RARG: variants seen among roughly 807,000 people sequenced by gnomAD.
The protein encoded by RARG is retinoic acid receptor gamma.
A neutral mutation model predicts 43.7 loss-of-function variants in RARG; 17 were observed. The observed-to-expected ratio is 0.39, with a 90% CI of 0.27 to 0.58. The LOEUF is 0.58. RARG is among the 20% of genes least tolerant of loss of function. The pLI is 0.57. For synonymous variants in RARG, 238 were observed against 236.4 expected (o/e 1.01, Z -0.06); for missense variants, 346 against 598.7 (o/e 0.58, Z 4.40).
intron 3 of RARG, among the ~76,000 whole-genome samples, chr12:53,225,264 C>T (rs1306615215): frequency 6.6e-6 from 1 of 152,200 alleles, no homozygotes; most frequent in Non-Finnish European, 1.5e-5. Context: ...GGACTACAGA[C>T]ATGCCACCAG....
At position 53,213,775 on chromosome 12, in the gene RARG, G is replaced by A; in HGVS notation, c.814-75C>T. ...AAAAGAGGGAATGAGTGGAAAGTGA[G>A]GAGGTTAGGTCCCCAGTGAGTGCAA... On this transcript the variant is annotated intron_variant, in intron 7 of 9. Transcript: ENST00000425354. The surrounding 1 kb of genome is among the most constrained non-coding windows in gnomAD (Gnocchi z 4.7). 6.9e-7 allele frequency: 1 copy of A among 1,444,542 alleles called. No homozygotes were observed. Among genetic ancestry groups the A allele is most frequent in the South Asian group, 1.2e-5 (1 of 80,306 alleles). 89.5% of individuals were successfully genotyped at this position (1,444,542 alleles called of 1,614,324 possible).
chr12:53,210,813 G>T lies in RARG; in HGVS notation c.*863C>A, dbSNP rs1457905128. 6.6e-6 allele frequency: 1 copy of T among 152,622 alleles called. No homozygotes were observed. The highest frequency in any genetic ancestry group is 1.5e-5 in the Non-Finnish European group (1 of 68,064). The allele number at this position is 152,622 out of a possible 1,614,324, so 9.5% of individuals were successfully genotyped here. A position where few individuals can be genotyped will look rare whatever the true frequency, so the allele number is the denominator to read the frequency against. On this transcript the variant is annotated 3_prime_UTR_variant, in exon 10 of 10. Transcript: ENST00000425354. ...CCTGGAGGAAGGGGTCAATTCCACG[G>T]TGTAAACAAAAGCTAATAAATAAAT...
chr12:53,221,727 TC>T (rs954311497), intron 3 of RARG, among the ~76,000 whole-genome samples: 6 of 148,772 alleles, frequency 4.0e-5, no homozygotes, highest in South Asian at 2.1e-4. Flanking sequence ...CTCCCGGAAA[TC>T]CCCCCCTCCC....
intron 7 of RARG, 56 bp downstream of exon 7, chr12:53,214,003 G>T: frequency 1.3e-6 from 2 of 1,543,380 alleles, no homozygotes; most frequent in Non-Finnish European, 1.8e-6. Flanking sequence ...TCAAGGAATT[G>T]TTGAGGGTCC....
chr12:53,226,530 G>A (rs1943110430), intron 3 of RARG, among the ~76,000 whole-genome samples: 1 of 152,032 alleles, frequency 6.6e-6, no homozygotes, highest in Non-Finnish European at 1.5e-5. Flanking sequence ...TCACTATGTT[G>A]GTCAGGCTGG....
At position 53,213,009 on chromosome 12, in the gene RARG, C is replaced by G; in HGVS notation, c.1177+76G>C. On this transcript the variant is annotated intron_variant, in intron 9 of 9. Coordinates refer to ENST00000425354, the MANE Select transcript of RARG (RefSeq NM_000966.6). This position sits in a 1 kb window ranked among gnomAD's most constrained non-coding sequence, Gnocchi z 4.7. ...GTTCTCAACTACTCTGTTCTTGTCT[C>G]TGTGTGTCCTCCTGTCCGACCTGGG... 6.8e-7 allele frequency: 1 copy of G among 1,474,374 alleles called. No individual in the cohort carries two copies. The highest frequency in any genetic ancestry group is 9.2e-7 in the Non-Finnish European group (1 of 1,084,322). The allele number at this position is 1,474,374 out of a possible 1,614,324, so 91.3% of individuals were successfully genotyped here.
intron 3 of RARG, among the ~76,000 whole-genome samples, chr12:53,219,034 C>G (rs965450371): frequency 3.0e-4 from 46 of 151,732 alleles, no homozygotes; most frequent in African/African-American, 1.1e-3. Flanking sequence ...CTTTTTATTA[C>G]TGCTCTGGAA....
chr12:53,211,928 C>A lies in RARG; in HGVS notation c.1178-65G>T. 2.4e-6 allele frequency: 3 copies of A among 1,259,686 alleles called. No individual in the cohort carries two copies. The highest frequency in any genetic ancestry group is 2.1e-5 in the South Asian group (1 of 47,780). The allele number at this position is 1,259,686 out of a possible 1,614,324, so 78.0% of individuals were successfully genotyped here. ...AGGCACATGGCCCTTAAGGCCATCT[C>A]CCTAACCTTTCTCAACTGCCCCTGA... On this transcript the variant is annotated intron_variant, in intron 9 of 9. Transcript: ENST00000425354. This position sits in a 1 kb window ranked among gnomAD's most constrained non-coding sequence, Gnocchi z 4.6.
Position 53,213,849 on chromosome 12 carries a change from A to G in RARG, c.814-149T>C. The G allele has an allele frequency of 2.7e-6, 3 of 1,109,600 alleles. No individual in the cohort carries two copies. Among genetic ancestry groups the G allele is most frequent in the Non-Finnish European group, 3.9e-6 (3 of 766,612 alleles). The allele number at this position is 1,109,600 out of a possible 1,614,324, so 68.7% of individuals were successfully genotyped here. A position where few individuals can be genotyped will look rare whatever the true frequency, so the allele number is the denominator to read the frequency against. Reference sequence around the variant, plus strand: ...AGAGGTGGAGGATCTGAGGCTTGGCAGGGGTAGTCCCGGGAAGTCAGGAGG... The same window carrying G: ...AGAGGTGGAGGATCTGAGGCTTGGCGGGGGTAGTCCCGGGAAGTCAGGAGG... On this transcript the variant is annotated intron_variant, in intron 7 of 9. Coordinates refer to ENST00000425354, the MANE Select transcript of RARG (RefSeq NM_000966.6). The surrounding 1 kb of genome is among the most constrained non-coding windows in gnomAD (Gnocchi z 4.7).
In RARG at chr12:53,211,458, G is replaced by A. The variant is rs1428443632; in HGVS notation, c.*218C>T. 39 of 429,596 alleles carry A rather than the reference G, an allele frequency of 9.1e-5. No individual in the cohort carries two copies. The highest frequency in any genetic ancestry group is 8.2e-6 in the Non-Finnish European group (2 of 245,364). 26.6% of individuals were successfully genotyped at this position (429,596 alleles called of 1,614,324 possible). ...ATCCCTTTGCCCTCTCTCCTGGTGG[G>A]AGCAGGGCAGGCCCCCGGGACTGGC... On this transcript the variant is annotated 3_prime_UTR_variant, in exon 10 of 10. Transcript: ENST00000425354. This position sits in a 1 kb window ranked among gnomAD's most constrained non-coding sequence, Gnocchi z 4.6.
chr12:53,211,977 A>C lies in RARG; in HGVS notation c.1178-114T>G. On this transcript the variant is annotated intron_variant, in intron 9 of 9. Transcript: ENST00000425354. This position sits in a 1 kb window ranked among gnomAD's most constrained non-coding sequence, Gnocchi z 4.6. ...GACTCCCCTAGGGGGCGCCCAGCAC[A>C]GGCCCACCACCTCTCCGTCCCCAGC... 1 of 731,756 alleles carries C rather than the reference A, an allele frequency of 1.4e-6. No individual in the cohort carries two copies. The highest frequency in any genetic ancestry group is 3.2e-5 in the East Asian group (1 of 31,122). 45.3% of individuals were successfully genotyped at this position (731,756 alleles called of 1,614,324 possible).
Position 53,213,239 on chromosome 12 carries a change from G to A in RARG, c.1023C>T (p.Arg341=). ...LSAICLICGD[R]MDLEEPEKVD... is the part of the protein sequence containing the mutation. ...CTTTTTCGGGCTCCTCCAGGTCCATGCGGTCTATGGGGACAAGTATACTGG... is the reference window on the plus strand; with the variant it reads ...CTTTTTCGGGCTCCTCCAGGTCCATACGGTCTATGGGGACAAGTATACTGG... Residue 341 remains arginine, a synonymous_variant, in exon 9 of 10, where the codon CGC becomes CGT. Coordinates refer to ENST00000425354, the MANE Select transcript of RARG (RefSeq NM_000966.6). This position sits in a 1 kb window ranked among gnomAD's most constrained non-coding sequence, Gnocchi z 4.7. The A allele has an allele frequency of 1.9e-6, 3 of 1,576,288 alleles. No homozygotes were observed. Among genetic ancestry groups the A allele is most frequent in the Admixed American group, 1.7e-5 (1 of 59,778 alleles).
chr12:53,223,841 G>A (rs769275306), intron 3 of RARG, among the ~76,000 whole-genome samples: 2 of 152,174 alleles, frequency 1.3e-5, no homozygotes, highest in Admixed American at 6.5e-5. Flanking sequence ...TTCTCCATGT[G>A]TGGTGACTTA....
At chr12:53,216,842 G>GCA (rs1491527279) in intron 3 of RARG, among the ~76,000 whole-genome samples, 1 of 85,788 alleles carries the variant, frequency 1.2e-5, no homozygotes, top group Non-Finnish European at 2.3e-5. Context: ...GTGTGTGTGT[G>GCA]CGCGCGCGCG....
At chr12:53,212,377 T>A (rs1250415315) in intron 9 of RARG, among the ~76,000 whole-genome samples, 1 of 152,244 alleles carries the variant, frequency 6.6e-6, no homozygotes, top group Admixed American at 6.5e-5. Flanking sequence ...GAATTTTTAA[T>A]TCAGCACAAT....
intron 3 of RARG, chr12:53,219,799 C>T: frequency 1.5e-6 from 1 of 672,644 alleles, no homozygotes; most frequent in South Asian, 3.0e-5. Flanking sequence ...GCAAAGGAGA[C>T]GCTGAGGCCC....
Position 53,211,793 on chromosome 12 carries a change from C to T in RARG, c.1248G>A (p.Leu416=). Residue 416 remains leucine, a synonymous_variant, in exon 10 of 10, where the codon CTG becomes CTA. Transcript: ENST00000425354. The surrounding 1 kb of genome is among the most constrained non-coding windows in gnomAD (Gnocchi z 4.6). Reference sequence around the variant, plus strand: ...CATCCTCAAACATTTCAGGGTTCTCCAGCATCTCTCGGATTAAGGGAGGCA... The same window carrying T: ...CATCCTCAAACATTTCAGGGTTCTCTAGCATCTCTCGGATTAAGGGAGGCA... ...GPMPPLIREM[L]ENPEMFEDDS... 2.6e-6 allele frequency: 4 copies of T among 1,558,924 alleles called. No individual in the cohort carries two copies. Among genetic ancestry groups the T allele is most frequent in the Admixed American group, 1.9e-5 (1 of 51,762 alleles).
rs752785401 is a variant in RARG at position 53,211,869 on chromosome 12, A to G, written c.1178-6T>C. 7.0e-7 allele frequency: 1 copy of G among 1,431,030 alleles called. No homozygotes were observed. The highest frequency in any genetic ancestry group is 9.3e-7 in the Non-Finnish European group (1 of 1,076,446). 88.6% of individuals were successfully genotyped at this position (1,431,030 alleles called of 1,614,324 possible). On this transcript the variant is annotated splice_polypyrimidine_tract_variant and splice_region_variant and intron_variant, in intron 9 of 9. Coordinates refer to ENST00000425354, the MANE Select transcript of RARG (RefSeq NM_000966.6). The surrounding 1 kb of genome is among the most constrained non-coding windows in gnomAD (Gnocchi z 4.6). ...AGTAATGGCCCTTTCAGCTCCTACA[A>G]TGGAGAGAGAAAGAGAGAGGCTCAG...
At chr12:53,220,262 G>A (rs1292173380) in intron 3 of RARG, 3 of 1,372,448 alleles carry the variant, frequency 2.2e-6, no homozygotes, top group Non-Finnish European at 9.6e-7. Context: ...GGGAAGAGGG[G>A]GGATCCCCAG....
Sources: gnomAD v4.1 joint callset for allele counts (sites outside exome capture counted in the v4.1 genomes callset) on GRCh38, gnomAD v4.1.1 for gene constraint, Gnocchi (gnomAD v3.1) non-coding constraint, MANE v1.5 for transcripts, NCBI Gene and HGNC (gene_info 2026-07-23, HGNC 2026-07-21) for gene names.